FHOD3: variants seen among roughly 807,000 people sequenced by gnomAD.
FHOD3 encodes the protein formin homology 2 domain containing 3.
A neutral mutation model predicts 173.0 loss-of-function variants in FHOD3; 90 were observed. The observed-to-expected ratio is 0.52, with a 90% CI of 0.44 to 0.62. The LOEUF (loss-of-function observed/expected upper bound fraction) is 0.62, where lower values mean the gene tolerates loss of function less well. Ranked by LOEUF, FHOD3 falls within the 20% of genes least tolerant of loss-of-function variation. The pLI, the probability that FHOD3 is intolerant of heterozygous loss-of-function variation, is 0.00. For missense variants in FHOD3, 1,945 were observed against 2,034.7 expected (o/e 0.96, Z 0.85); for synonymous variants, 828 against 823.0 (o/e 1.01, Z -0.10).
At chr18:36,626,836 C>T (rs1415249344) in intron 10 of FHOD3, among the ~76,000 whole-genome samples, 1 of 152,124 alleles carries the variant, frequency 6.6e-6, no homozygotes, top group Non-Finnish European at 1.5e-5. Flanking sequence ...GGGAATACCC[C>T]ACCAGCACCA....
intron 5 of FHOD3, among the ~76,000 whole-genome samples, chr18:36,559,693 G>A (rs766140089): frequency 1.8e-4 from 27 of 152,174 alleles, no homozygotes; most frequent in Admixed American, 1.6e-3. Flanking sequence ...ACCTGAGAGA[G>A]AGTGATGAAA....
intron 3 of FHOD3, among the ~76,000 whole-genome samples, chr18:36,383,290 A>G (rs931164797): frequency 3.9e-5 from 6 of 152,198 alleles, no homozygotes; most frequent in African/African-American, 1.4e-4. Flanking sequence ...CCTGAATCAC[A>G]GTGCTCTCAT....
At chr18:36,304,664 G>C (rs1245673312) in intron 1 of FHOD3, among the ~76,000 whole-genome samples, 1 of 151,852 alleles carries the variant, frequency 6.6e-6, no homozygotes, top group Non-Finnish European at 1.5e-5. Context: ...TTATGTTCAG[G>C]GTGTCTTTCT....
In FHOD3 at chr18:36,594,910, C is replaced by T. The variant is rs1237170791; in HGVS notation, c.718+12C>T. 1.3e-6 allele frequency: 2 copies of T among 1,573,700 alleles called. No individual in the cohort carries two copies. The highest frequency in any genetic ancestry group is 3.4e-5 in the Admixed American group (2 of 59,462). On this transcript the variant is annotated intron_variant, in intron 7 of 28. Coordinates refer to ENST00000590592, the MANE Select transcript of FHOD3 (RefSeq NM_001281740.3). Reference sequence around the variant, plus strand: ...TGACACGAAAAGAGGTGAGTAGTCCCTGCCCCCTTATGTCATGAAGGTGAA... The same window carrying T: ...TGACACGAAAAGAGGTGAGTAGTCCTTGCCCCCTTATGTCATGAAGGTGAA...
intron 13 of FHOD3, among the ~76,000 whole-genome samples, chr18:36,654,461 A>G (rs2036276816): frequency 6.6e-6 from 1 of 152,056 alleles, no homozygotes; most frequent in Non-Finnish European, 1.5e-5. Context: ...TATGCTTTAT[A>G]TTTTTTTCAA....
chr18:36,384,987 G>A (rs1568202133), intron 3 of FHOD3, among the ~76,000 whole-genome samples: 1 of 152,002 alleles, frequency 6.6e-6, no homozygotes, highest in Non-Finnish European at 1.5e-5. Flanking sequence ...TGATTGTCCA[G>A]TTCCTCTAAA....
At chr18:36,430,528 T>A (rs1057514974) in intron 3 of FHOD3, among the ~76,000 whole-genome samples, 9 of 152,246 alleles carry the variant, frequency 5.9e-5, no homozygotes, top group African/African-American at 2.2e-4. Context: ...AACAAATTTT[T>A]AAAATTTTAA....
At chr18:36,366,551 G>A (rs2046908070) in intron 2 of FHOD3, among the ~76,000 whole-genome samples, 1 of 152,150 alleles carries the variant, frequency 6.6e-6, no homozygotes, top group South Asian at 2.1e-4. Context: ...TAAGTAACTT[G>A]TCCAAGATCA....
At chr18:36,726,864 G>A (rs1184625871) in intron 19 of FHOD3, among the ~76,000 whole-genome samples, 10 of 152,048 alleles carry the variant, frequency 6.6e-5, no homozygotes, top group Admixed American at 1.3e-4. Context: ...TAGTAGAGAC[G>A]GGGTTTCACT....
At chr18:36,303,570 G>A (rs2092011590) in intron 1 of FHOD3, among the ~76,000 whole-genome samples, 6 of 152,200 alleles carry the variant, frequency 3.9e-5, no homozygotes, top group Non-Finnish European at 5.9e-5. Context: ...TAATAGTGTC[G>A]ACTTTAAAAC....
At chr18:36,600,252 AACACACACACACACACACACAC>A (rs67473480) in intron 7 of FHOD3, among the ~76,000 whole-genome samples, 21 of 143,068 alleles carry the variant, frequency 1.5e-4, no homozygotes, top group Admixed American at 1.0e-3. Flanking sequence ...TCTCCTCTGC[AACACACACACACACACACACAC>A]ACACACACAC....
intron 1 of FHOD3, among the ~76,000 whole-genome samples, chr18:36,307,628 A>G (rs745309797): frequency 1.4e-4 from 21 of 152,248 alleles, no homozygotes; most frequent in Non-Finnish European, 2.1e-4. Context: ...ACTCTAAAGT[A>G]TCTTCACACT....
intron 15 of FHOD3, 45 bp from the exon 16 acceptor site, chr18:36,687,083 T>A: frequency 7.0e-7 from 1 of 1,426,048 alleles, no homozygotes; most frequent in Non-Finnish European, 9.8e-7. Flanking sequence ...TATCTAATTC[T>A]GTTACTTTCT....
intron 5 of FHOD3, among the ~76,000 whole-genome samples, chr18:36,520,930 G>A: frequency 6.6e-6 from 1 of 152,182 alleles, no homozygotes; most frequent in East Asian, 1.9e-4. Flanking sequence ...TTTTCCAGAG[G>A]AGCTGCTGGC....
chr18:36,638,183 C>G (rs1346361090), intron 10 of FHOD3, among the ~76,000 whole-genome samples: 1 of 152,062 alleles, frequency 6.6e-6, no homozygotes. Context: ...TGTGATGGGG[C>G]TGGTCCAGAA....
intron 1 of FHOD3, among the ~76,000 whole-genome samples, chr18:36,351,725 G>A (rs1439528947): frequency 1.3e-5 from 2 of 152,206 alleles, no homozygotes; most frequent in East Asian, 3.9e-4. Context: ...ACAGTTTGGG[G>A]CTGGCACAAA....
At chr18:36,316,357 A>C (rs1012131992) in intron 1 of FHOD3, among the ~76,000 whole-genome samples, 3 of 152,122 alleles carry the variant, frequency 2.0e-5, no homozygotes, top group Non-Finnish European at 4.4e-5. Context: ...TGTAGGGGAG[A>C]AAACTGGAGC....
At chr18:36,398,910 G>A (rs1012040347) in intron 3 of FHOD3, among the ~76,000 whole-genome samples, 3 of 152,172 alleles carry the variant, frequency 2.0e-5, no homozygotes, top group Non-Finnish European at 2.9e-5. Flanking sequence ...AGAAATATGT[G>A]TGGCATGTGG....
rs951297059 is a variant in FHOD3, at chr18:36,571,585, G to C, written c.512-4866G>C. 2.0e-5 allele frequency among the ~76,000 whole-genome samples: 3 copies of C among 152,144 alleles called. No individual in the cohort carries two copies. In the East Asian group the frequency reaches 5.8e-4, roughly 29 times the overall value. On this transcript the variant is annotated intron_variant, in intron 5 of 28. Coordinates refer to ENST00000590592, the MANE Select transcript of FHOD3 (RefSeq NM_001281740.3). ...TGAACCAATTTTGAAAAAGAAGAAC[G>C]AATAGGAAGAATCATACTACCTGAT...
Sources: allele counts gnomAD v4.1 joint callset (sites outside exome capture counted in the v4.1 genomes callset), GRCh38; gene constraint gnomAD v4.1.1; transcripts MANE v1.5; gene names NCBI Gene and HGNC (gene_info 2026-07-23, HGNC 2026-07-21).